The following ENTPD6 variants were observed in gnomAD, a reference collection of about 807,000 sequenced individuals.
ENTPD6 encodes CD39 antigen-like 2.
A neutral mutation model predicts 61.5 loss-of-function variants in ENTPD6; 46 were observed. The ratio of observed to expected loss-of-function variants is 0.75; its 90% CI spans 0.59 to 0.96. The LOEUF is 0.96. Among genes scored for constraint, ENTPD6 ranks in the 40% least tolerant of loss-of-function variants. ENTPD6 has a pLI of 0.00. For missense variants in ENTPD6, 612 were observed against 629.0 expected (o/e 0.97, Z 0.29); for synonymous variants, 252 against 255.5 (o/e 0.99, Z 0.13).
At chr20:25,211,567 G>A (rs1372628469) in intron 4 of ENTPD6, among the ~76,000 whole-genome samples, 7 of 152,180 alleles carry the variant, frequency 4.6e-5, no homozygotes, top group Non-Finnish European at 7.4e-5. Flanking sequence ...TCCACACCGA[G>A]GCCTTTGGCT....
chr20:25,213,211 A>C, intron 4 of ENTPD6, 52 bp from the exon 5 acceptor site: 1 of 1,610,364 alleles, frequency 6.2e-7, no homozygotes, highest in South Asian at 1.1e-5. Context: ...AGCACGTGTG[A>C]CCCTGTATGC....
At chr20:25,196,816 A>T (rs977626286) in intron 1 of ENTPD6, among the ~76,000 whole-genome samples, 5 of 152,136 alleles carry the variant, frequency 3.3e-5, no homozygotes, top group African/African-American at 1.2e-4. Flanking sequence ...CACTGTACAA[A>T]TCTCAAAATT....
intron 1 of ENTPD6, among the ~76,000 whole-genome samples, chr20:25,198,314 A>G (rs1386158031): frequency 6.6e-6 from 1 of 152,136 alleles, no homozygotes; most frequent in Non-Finnish European, 1.5e-5. Flanking sequence ...CGTCTGTACT[A>G]AAAATACAAA....
rs765173082 is a variant in ENTPD6, at chr20:25,213,270, A to G, written c.461A>G (p.Gln154Arg). Residue 154 changes from glutamine to arginine, a missense_variant, in exon 5 of 15, where the codon CAG (glutamine) becomes CGG (arginine). Transcript: ENST00000376652. ...AYADDVEKSA[Q>R]GIRELLDVAK... ...CTCTTACCACGTTCACAGAGCGCTC[A>G]GGGAATCCGGGAACTACTGGATGTT... 2.4e-5 allele frequency: 38 copies of G among 1,614,126 alleles called. No individual in the cohort carries two copies. The highest frequency in any genetic ancestry group is 3.2e-5 in the Non-Finnish European group (38 of 1,180,050).
intron 14 of ENTPD6, 77 bp from the exon 15 acceptor site, chr20:25,225,422 C>T: frequency 6.4e-7 from 1 of 1,570,888 alleles, no homozygotes; most frequent in Non-Finnish European, 8.7e-7. Flanking sequence ...CCCTGGCTTC[C>T]AAGGAGCCAC....
intron 1 of ENTPD6, among the ~76,000 whole-genome samples, chr20:25,203,411 G>A (rs1285705846): frequency 1.3e-5 from 2 of 152,166 alleles, no homozygotes; most frequent in African/African-American, 4.8e-5. Flanking sequence ...TGTGCATGGT[G>A]CACGTGAGGG....
At chr20:25,211,621 T>C (rs1312954992) in intron 4 of ENTPD6, among the ~76,000 whole-genome samples, 2 of 152,252 alleles carry the variant, frequency 1.3e-5, no homozygotes, top group Non-Finnish European at 2.9e-5. Flanking sequence ...TGTCGGCATG[T>C]GCAGAGCCTC....
rs1449698279 is a variant in ENTPD6 at position 25,225,363 on chromosome 20, G to A, written c.1356+46G>A. ...CGCCCCAGCCCCTTTATGGAGTGAG[G>A]GGCCTAGAACCACTTCTCCAGTTGC... On this transcript the variant is annotated intron_variant, in intron 14 of 14. Transcript: ENST00000376652. 3 of 1,607,850 alleles carry A rather than the reference G, an allele frequency of 1.9e-6. No individual in the cohort carries two copies. In the African/African-American group the frequency reaches 4.0e-5, roughly 21 times the overall value.
rs769261062 is a variant in ENTPD6, at chr20:25,215,710, A to G, written c.708A>G (p.Thr236=). 6.2e-7 allele frequency: 1 copy of G among 1,614,220 alleles called. No homozygotes were observed. Among genetic ancestry groups the G allele is most frequent in the Non-Finnish European group, 8.5e-7 (1 of 1,180,022 alleles). ...CGTGGATCACCATCAACTTCCTGAC[A>G]GGTGTGTGCACACTGCATCACAGAG... ...VSAWITINFL[T]GSLKTPGGSS... is the part of the protein sequence containing the mutation. The change falls in exon 7 of 15, where the codon ACA becomes ACG. Residue 236 remains threonine, a splice_region_variant and synonymous_variant. Transcript: ENST00000376652.
chr20:25,218,363 G>T (rs551332140), intron 9 of ENTPD6, among the ~76,000 whole-genome samples, 187 bp from the exon 10 acceptor site: 1 of 152,184 alleles, frequency 6.6e-6, no homozygotes, highest in East Asian at 1.9e-4. Context: ...ATAGGCCCTC[G>T]TGTGTTGAAT....
In ENTPD6 at chr20:25,204,766, G is replaced by A. The variant is rs79352682; in HGVS notation, c.-15-1756G>A. Among the ~76,000 whole-genome samples, 262 of 152,306 alleles carry A rather than the reference G, an allele frequency of 1.7e-3. 8 individuals carry two copies. The East Asian group carries it at 0.043, about 25-fold the overall frequency. Reference sequence around the variant, plus strand: ...AGTTCAAGGGAAGGAATTGGGAACCGGGCTGCCGCATTCATCAGGTGGTGC... The same window carrying A: ...AGTTCAAGGGAAGGAATTGGGAACCAGGCTGCCGCATTCATCAGGTGGTGC... On this transcript the variant is annotated intron_variant, in intron 1 of 14. Transcript: ENST00000376652.
In ENTPD6 at chr20:25,215,670, T is replaced by G; in HGVS notation, c.674-6T>G. 5.0e-6 allele frequency: 8 copies of G among 1,614,184 alleles called. No individual in the cohort carries two copies. The highest frequency in any genetic ancestry group is 6.8e-6 in the Non-Finnish European group (8 of 1,180,002). On this transcript the variant is annotated splice_polypyrimidine_tract_variant and splice_region_variant and intron_variant, in intron 6 of 14. Transcript: ENST00000376652. Reference sequence around the variant, plus strand: ...TTAAAATAATGCCTGTGACACTCTCTTGCAGGCGTTTCGGCGTGGATCACC... The same window carrying G: ...TTAAAATAATGCCTGTGACACTCTCGTGCAGGCGTTTCGGCGTGGATCACC...
chr20:25,217,313 G>A (rs918898837), intron 8 of ENTPD6, among the ~76,000 whole-genome samples, 189 bp from the exon 9 acceptor site: 1 of 152,140 alleles, frequency 6.6e-6, no homozygotes, highest in African/African-American at 2.4e-5. Context: ...CTGTGGGAAC[G>A]AAGCACCGTT....
rs1371961995 is a variant in ENTPD6, at chr20:25,224,112, G to A, written c.1198G>A (p.Gly400Arg). ...TGTGTCTCCCACAGATGCGGAGAAG[G>A]GAGGCAGCCTGGTGGTGGGGGACTT... The part of the protein sequence containing the change: ...AGVGLIDAEK[G>R]GSLVVGDFEI... The change falls in exon 13 of 15, where the codon GGA becomes AGA. Residue 400 changes from glycine to arginine, a missense_variant. Transcript: ENST00000376652. 9.9e-6 allele frequency: 16 copies of A among 1,612,264 alleles called. No homozygotes were observed. The highest frequency in any genetic ancestry group is 1.3e-5 in the African/African-American group (1 of 74,894).
intron 1 of ENTPD6, among the ~76,000 whole-genome samples, chr20:25,198,496 C>A (rs2090725558): frequency 1.3e-5 from 2 of 151,868 alleles, no homozygotes; most frequent in South Asian, 4.2e-4. Flanking sequence ...AAAAAAAAGT[C>A]TTGATTACAT....
At chr20:25,224,178 C>T in intron 13 of ENTPD6, 21 bp downstream of exon 13, 1 of 1,608,088 alleles carries the variant, frequency 6.2e-7, no homozygotes, top group Non-Finnish European at 8.5e-7. Flanking sequence ...CTGCAGGGGC[C>T]ATCTCAGCAG....
Position 25,225,923 on chromosome 20 carries a change from G to A in ENTPD6, c.*326G>A, listed in dbSNP as rs185084020. On this transcript the variant is annotated 3_prime_UTR_variant, in exon 15 of 15. Coordinates refer to ENST00000376652, the MANE Select transcript of ENTPD6 (RefSeq NM_001247.5). ...CCTGTCCCATCCCCATGCCCCGTCCGCGGGGCTGTGGCTGCTGCTGTGCAT... is the reference window on the plus strand; with the variant it reads ...CCTGTCCCATCCCCATGCCCCGTCCACGGGGCTGTGGCTGCTGCTGTGCAT... 3.5e-5 allele frequency: 8 copies of A among 228,264 alleles called. No individual in the cohort carries two copies. The highest frequency in any genetic ancestry group is 3.4e-5 in the Non-Finnish European group (4 of 117,004). The allele number at this position is 228,264 out of a possible 1,614,324, so 14.1% of individuals were successfully genotyped here.
In ENTPD6 at chr20:25,224,082, G is replaced by A; in HGVS notation, c.1187-19G>A. The A allele has an allele frequency of 6.2e-7, 1 of 1,609,600 alleles. No homozygotes were observed. The highest frequency in any genetic ancestry group is 8.5e-7 in the Non-Finnish European group (1 of 1,177,792). ...AACCTCACAGTGCTCCTGCAGACTG[G>A]GTGTTGTGTCTCCCACAGATGCGGA... On this transcript the variant is annotated intron_variant, in intron 12 of 14. Coordinates refer to ENST00000376652, the MANE Select transcript of ENTPD6 (RefSeq NM_001247.5).
chr20:25,207,738 C>T (rs945178219), intron 3 of ENTPD6, among the ~76,000 whole-genome samples: 5 of 152,170 alleles, frequency 3.3e-5, no homozygotes, highest in African/African-American at 1.2e-4. Flanking sequence ...GAAGTATCCC[C>T]AGATTCAGTC....
Sources: allele counts gnomAD v4.1 joint callset (sites outside exome capture counted in the v4.1 genomes callset), GRCh38; gene constraint gnomAD v4.1.1; transcripts MANE v1.5; gene names NCBI Gene and HGNC (gene_info 2026-07-23, HGNC 2026-07-21).